The following AXDND1 variants were observed in gnomAD, a reference collection of about 807,000 sequenced individuals.
AXDND1 encodes axonemal dynein light chain domain-containing protein 1.
AXDND1 carries 110 observed loss-of-function variants against 137.5 expected under a neutral mutation model. The observed-to-expected ratio is 0.80, with a 90% CI of 0.69 to 0.94. AXDND1 has a LOEUF of 0.94. Among genes scored for constraint, AXDND1 ranks in the 40% least tolerant of loss-of-function variants. AXDND1 has a pLI of 0.00. For missense variants in AXDND1, 1,191 were observed against 1,169.8 expected (o/e 1.02, Z -0.26); for synonymous variants, 414 against 399.7 (o/e 1.04, Z -0.43).
intron 20 of AXDND1, among the ~76,000 whole-genome samples, chr1:179,501,743 C>T (rs1176791127): frequency 6.6e-6 from 1 of 151,874 alleles, no homozygotes; most frequent in African/African-American, 2.4e-5. Flanking sequence ...AACAAAAAAA[C>T]TCAAAAACTA....
At chr1:179,441,429 G>A (rs1483037465) in intron 15 of AXDND1, among the ~76,000 whole-genome samples, 1 of 152,200 alleles carries the variant, frequency 6.6e-6, no homozygotes, top group African/African-American at 2.4e-5. Flanking sequence ...GAGCAATGAA[G>A]CTCAGTTCCT....
intron 5 of AXDND1, among the ~76,000 whole-genome samples, 153 bp from the exon 6 acceptor site, chr1:179,379,244 A>G (rs1443332334): frequency 2.6e-5 from 4 of 152,184 alleles, no homozygotes; most frequent in African/African-American, 9.7e-5. Context: ...GTCATTTGCT[A>G]TGACCCACAT....
At chr1:179,534,482 C>A in intron 24 of AXDND1, 1 of 340,156 alleles carries the variant, frequency 2.9e-6, no homozygotes, top group Non-Finnish European at 5.1e-6. Flanking sequence ...CCAGATACCC[C>A]AAATCAGATT....
At chr1:179,457,442 T>G (rs1661576931) in intron 16 of AXDND1, 1 of 274,838 alleles carries the variant, frequency 3.6e-6, no homozygotes, top group South Asian at 7.2e-5. Context: ...GACTCAGGAT[T>G]ATTTAGAAGA....
intron 17 of AXDND1, among the ~76,000 whole-genome samples, chr1:179,471,554 C>T (rs1027408911): frequency 1.3e-5 from 2 of 152,074 alleles, no homozygotes; most frequent in African/African-American, 2.4e-5. Flanking sequence ...TGCTAGCATC[C>T]CTTCTCTCGT....
chr1:179,535,178 G>T, intron 25 of AXDND1: 1 of 603,860 alleles, frequency 1.7e-6, no homozygotes, highest in Non-Finnish European at 2.7e-6. Flanking sequence ...AATGAATAAA[G>T]TAGCTCAGAT....
At chr1:179,438,004 T>C (rs1430132965) in intron 15 of AXDND1, among the ~76,000 whole-genome samples, 1 of 151,812 alleles carries the variant, frequency 6.6e-6, no homozygotes, top group Non-Finnish European at 1.5e-5. Context: ...ATACAAAAAT[T>C]AGCCAGGCAT....
chr1:179,387,892 T>C (rs975540694), intron 9 of AXDND1, among the ~76,000 whole-genome samples: 1 of 152,194 alleles, frequency 6.6e-6, no homozygotes, highest in Non-Finnish European at 1.5e-5. Flanking sequence ...TTTTCTCACA[T>C]TTATGCCCTG....
chr1:179,425,579 A>G lies in AXDND1; in HGVS notation c.1231-3939A>G, dbSNP rs541778199. ...GATGGGGTCTCCTGCCAAGGAATCA[A>G]CATGATGGGGTCTCCTGCCAAGGAA... is the stretch of plus-strand genomic sequence containing the variant. On this transcript the variant is annotated intron_variant, in intron 12 of 25. Transcript: ENST00000367618. 9.7e-4 allele frequency among the ~76,000 whole-genome samples: 147 copies of G among 152,262 alleles called. 1 individual carries two copies. Among genetic ancestry groups the G allele is most frequent in the South Asian group, 1.2e-3 (6 of 4,822 alleles).
At chr1:179,421,636 G>A (rs565729038) in intron 12 of AXDND1, among the ~76,000 whole-genome samples, 7 of 151,148 alleles carry the variant, frequency 4.6e-5, no homozygotes, top group African/African-American at 1.2e-4. Flanking sequence ...CACCTGCCTC[G>A]GCCTGCAAAA....
intron 20 of AXDND1, 75 bp from the exon 21 acceptor site, chr1:179,509,221 T>C (rs1668798515): frequency 1.3e-5 from 11 of 867,244 alleles, no homozygotes; most frequent in Non-Finnish European, 1.8e-5. Context: ...AGGAATTGTA[T>C]TTATCAGTTC....
intron 16 of AXDND1, among the ~76,000 whole-genome samples, chr1:179,467,916 A>G (rs1032627907): frequency 5.9e-5 from 9 of 152,216 alleles, no homozygotes; most frequent in Non-Finnish European, 1.0e-4. Flanking sequence ...ATAATCTCAT[A>G]GTGAATCAGT....
intron 18 of AXDND1, among the ~76,000 whole-genome samples, chr1:179,485,027 A>G (rs1665867667): frequency 6.6e-6 from 1 of 152,180 alleles, no homozygotes; most frequent in African/African-American, 2.4e-5. Context: ...CTGTGCGAGT[A>G]TGTGCACAGA....
intron 25 of AXDND1, among the ~76,000 whole-genome samples, chr1:179,547,349 A>G (rs1006118422): frequency 6.6e-6 from 1 of 152,224 alleles, no homozygotes; most frequent in Non-Finnish European, 1.5e-5. Context: ...CATTCTAGCC[A>G]GGTCTGCCAC....
chr1:179,447,448 T>A (rs1659899660), intron 16 of AXDND1: 1 of 418,892 alleles, frequency 2.4e-6, no homozygotes, highest in African/African-American at 2.0e-5. Flanking sequence ...TAAGATAGTG[T>A]TGTCCCTTCA....
At chr1:179,501,618 A>G (rs1272676618) in intron 20 of AXDND1, among the ~76,000 whole-genome samples, 1 of 152,188 alleles carries the variant, frequency 6.6e-6, no homozygotes, top group Non-Finnish European at 1.5e-5. Context: ...AGGGTGAGGC[A>G]GGAGAATCGC....
chr1:179,528,479 C>A, intron 23 of AXDND1, 48 bp downstream of exon 23: 1 of 1,312,304 alleles, frequency 7.6e-7, no homozygotes, highest in Non-Finnish European at 1.1e-6. Flanking sequence ...TTTAACATTG[C>A]ATAAAAATGA....
chr1:179,418,694 G>T (rs530191513), intron 12 of AXDND1, among the ~76,000 whole-genome samples: 1 of 151,406 alleles, frequency 6.6e-6, no homozygotes, highest in African/African-American at 2.4e-5. Context: ...CCTCCCGGAC[G>T]GGGCGGCTGG....
chr1:179,429,587 A>G lies in AXDND1; in HGVS notation c.1300A>G (p.Thr434Ala), dbSNP rs757365328. 3 of 1,578,142 alleles carry G rather than the reference A, an allele frequency of 1.9e-6. No homozygotes were observed. Among genetic ancestry groups the G allele is most frequent in the Non-Finnish European group, 1.7e-6 (2 of 1,165,942 alleles). The stretch of plus-strand genomic sequence containing the variant: ...TAATGAAAAAGGCTGGAATAAATAC[A>G]CTAAGCATTTCATCATACTGCTATC... The part of the protein sequence containing the change: ...YLNEKGWNKY[T>A]KHFIILLSNK... Residue 434 changes from threonine (T) to alanine (A), a missense_variant, in exon 13 of 26, where the codon ACT (threonine) becomes GCT (alanine). Physicochemically the swap from Thr to Ala is moderately conservative, Grantham distance 58. Transcript: ENST00000367618.
Sources: allele counts gnomAD v4.1 joint callset (sites outside exome capture counted in the v4.1 genomes callset), GRCh38; gene constraint gnomAD v4.1.1; transcripts MANE v1.5; gene names NCBI Gene and HGNC (gene_info 2026-07-23, HGNC 2026-07-21).